CDKN2B-AS1: variants seen among roughly 807,000 people sequenced by gnomAD.
CDKN2B-AS1 encodes the protein CDKN2B and CDKN2A antisense cis and trans regulatory RNA 1.
At chr9:22,121,242 A>T (rs534909311) in intron 4 of CDKN2B-AS1, 2 of 152,250 alleles carry the variant, frequency 1.3e-5, no homozygotes, top group South Asian at 4.1e-4. Context: ...TAACTTGGAG[A>T]TAGATTAGAT....
At chr9:22,029,523 G>A (rs1489419653) in intron 1 of CDKN2B-AS1, 9 of 779,272 alleles carry the variant, frequency 1.2e-5, no homozygotes, top group Admixed American at 3.4e-5. Flanking sequence ...TCTGATCTCC[G>A]TCCTGGCCCC....
intron 1 of CDKN2B-AS1, chr9:22,009,103 C>A: frequency 7.9e-7 from 1 of 1,264,870 alleles, no homozygotes; most frequent in South Asian, 1.3e-5. Context: ...CGTCGTCCTT[C>A]TGCGGCTTGG....
chr9:22,089,620 C>T (rs1002686750), intron 4 of CDKN2B-AS1, among the ~76,000 whole-genome samples: 7 of 150,632 alleles, frequency 4.6e-5, no homozygotes, highest in African/African-American at 1.5e-4. Context: ...CTTTTTTTTT[C>T]CCCTTATTTT....
Position 22,009,491 on chromosome 9 carries a change from A to G in CDKN2B-AS1, n.29+14330A>G, listed in dbSNP as rs763017657. Reference sequence around the variant, plus strand: ...GCATGCGCCAGAGACTGGGCCAGGGAGCCGCCAGGAATGCTGGCTGCACTG... The same window carrying G: ...GCATGCGCCAGAGACTGGGCCAGGGGGCCGCCAGGAATGCTGGCTGCACTG... On this transcript the variant is annotated intron_variant and non_coding_transcript_variant, in intron 1 of 4. Transcript: ENST00000650946. 59 of 245,296 alleles carry G rather than the reference A, an allele frequency of 2.4e-4. 1 individual carries two copies. The highest frequency in any genetic ancestry group is 4.0e-4 in the Non-Finnish European group (50 of 125,242). 15.2% of individuals were successfully genotyped at this position (245,296 alleles called of 1,614,324 possible).
intron 4 of CDKN2B-AS1, among the ~76,000 whole-genome samples, chr9:22,062,972 G>GAGAGACAC (rs1823882860): frequency 2.1e-5 from 1 of 47,574 alleles, no homozygotes; most frequent in Admixed American, 2.8e-4. Flanking sequence ...GTGTGTGAAA[G>GAGAGACAC]ACAGACACAC....
intron 2 of CDKN2B-AS1, among the ~76,000 whole-genome samples, chr9:22,047,713 A>G (rs1257704732): frequency 6.6e-6 from 1 of 152,142 alleles, no homozygotes; most frequent in Non-Finnish European, 1.5e-5. Flanking sequence ...TCTTTTCTAA[A>G]TATTTTCCCT....
chr9:22,096,609 A>G (rs938046684), intron 4 of CDKN2B-AS1: 17 of 152,234 alleles, frequency 1.1e-4, no homozygotes, highest in Admixed American at 3.9e-4. Flanking sequence ...TGGTTAAAAT[A>G]CAAGATATAT....
chr9:22,025,980 G>A, intron 1 of CDKN2B-AS1, among the ~76,000 whole-genome samples: 1 of 152,150 alleles, frequency 6.6e-6, no homozygotes, highest in East Asian at 1.9e-4. Flanking sequence ...TGGGACAAAG[G>A]TCCCATGGAA....
At chr9:22,054,638 CT>C (rs1823480976) in intron 3 of CDKN2B-AS1, among the ~76,000 whole-genome samples, 1 of 150,880 alleles carries the variant, frequency 6.6e-6, no homozygotes, top group Non-Finnish European at 1.5e-5. Context: ...AATCCATATC[CT>C]TTCTATGTGA....
chr9:22,109,614 C>T (rs937333689), intron 4 of CDKN2B-AS1, among the ~76,000 whole-genome samples: 3 of 152,050 alleles, frequency 2.0e-5, no homozygotes, highest in African/African-American at 7.2e-5. Context: ...CAAATGTATT[C>T]GATGCTGGTG....
At chr9:22,119,094 A>C (rs1826033459) in intron 4 of CDKN2B-AS1, 3 of 151,848 alleles carry the variant, frequency 2.0e-5, no homozygotes, top group Non-Finnish European at 4.4e-5. Flanking sequence ...AGTTATGTAG[A>C]ATTTTGTGCC....
intron 1 of CDKN2B-AS1, among the ~76,000 whole-genome samples, chr9:22,026,662 T>C (rs1478209910): frequency 2.0e-5 from 3 of 152,174 alleles, no homozygotes; most frequent in Non-Finnish European, 4.4e-5. Context: ...TTCTGGGGTA[T>C]GTATGGGAGT....
chr9:22,007,032 T>G (rs1821223294), intron 1 of CDKN2B-AS1, among the ~76,000 whole-genome samples: 1 of 152,180 alleles, frequency 6.6e-6, no homozygotes, highest in Non-Finnish European at 1.5e-5. Flanking sequence ...TAGCTAAGAT[T>G]TAAAAATGTT....
chr9:22,003,756 G>A (rs754527109), intron 1 of CDKN2B-AS1: 2 of 232,192 alleles, frequency 8.6e-6, no homozygotes, highest in Non-Finnish European at 1.7e-5. Flanking sequence ...GTGTTGGGGG[G>A]GGTTATTCTC....
At chr9:22,102,137 C>T (rs1233052337) in intron 4 of CDKN2B-AS1, among the ~76,000 whole-genome samples, 2 of 152,156 alleles carry the variant, frequency 1.3e-5, no homozygotes, top group Non-Finnish European at 2.9e-5. Flanking sequence ...CCGTATTGGG[C>T]TCATGGTAAC....
intron 3 of CDKN2B-AS1, among the ~76,000 whole-genome samples, chr9:22,049,554 G>A (rs929920809): frequency 2.0e-5 from 3 of 152,110 alleles, no homozygotes; most frequent in South Asian, 2.1e-4. Context: ...ACAGGGACTG[G>A]CCCACACACC....
chr9:22,009,284 C>A, intron 1 of CDKN2B-AS1: 1 of 483,636 alleles, frequency 2.1e-6, no homozygotes, highest in Non-Finnish European at 3.7e-6. Flanking sequence ...GTCCTCACTG[C>A]CCCGCCTCGC....
intron 4 of CDKN2B-AS1, among the ~76,000 whole-genome samples, chr9:22,123,131 C>A (rs902956434): frequency 6.6e-6 from 1 of 151,972 alleles, no homozygotes; most frequent in African/African-American, 2.4e-5. Context: ...AATGGGATTG[C>A]CTTCTTGATT....
At chr9:22,064,533 T>G (rs537043533) in intron 4 of CDKN2B-AS1, among the ~76,000 whole-genome samples, 22 of 152,254 alleles carry the variant, frequency 1.4e-4, no homozygotes, top group Middle Eastern at 3.4e-3. Flanking sequence ...TTTCAGCATA[T>G]GAGGATTATA....
Sources: allele counts gnomAD v4.1 joint callset (sites outside exome capture counted in the v4.1 genomes callset), GRCh38; gene constraint gnomAD v4.1.1; transcripts MANE v1.5; gene names NCBI Gene and HGNC (gene_info 2026-07-23, HGNC 2026-07-21).